Variants in RERE observed in about 807,000 individuals in gnomAD.
RERE encodes the protein arginine-glutamic acid dipeptide repeats.
In RERE, 40 loss-of-function variants were observed where a neutral mutation model predicts 146.1. The observed-to-expected ratio is 0.27, with a 90% CI of 0.21 to 0.36. The LOEUF (loss-of-function observed/expected upper bound fraction) is 0.36, where lower values mean the gene tolerates loss of function less well. Among genes scored for constraint, RERE ranks in the 10% least tolerant of loss-of-function variants. The probability of loss-of-function intolerance (pLI) is 1.00; values close to 1 mark genes in which losing one functional copy is unlikely to be tolerated. For synonymous variants in RERE, 1,003 were observed against 866.0 expected (o/e 1.16, Z -2.78); for missense variants, 1,933 against 2,138.7 (o/e 0.90, Z 1.90).
chr1:8,658,980 A>G (rs1292077575), intron 1 of RERE, among the ~76,000 whole-genome samples: 3 of 152,254 alleles, frequency 2.0e-5, no homozygotes, highest in Non-Finnish European at 4.4e-5. Flanking sequence ...ATCATAAGCT[A>G]CATTAGAAGA....
At position 8,690,420 on chromosome 1, in the gene RERE, A is replaced by G. The variant is rs1246240086; in HGVS notation, c.-144-33979T>C. Among the ~76,000 whole-genome samples, 4 of 152,362 alleles carry G rather than the reference A, an allele frequency of 2.6e-5. No homozygotes were observed. In the East Asian group the frequency reaches 7.7e-4, roughly 29 times the overall value. On this transcript the variant is annotated intron_variant, in intron 1 of 22. Coordinates refer to ENST00000400908, the MANE Select transcript of RERE (RefSeq NM_001042681.2). ...GGGAACGGAAAGCTAAGGCTTGAACATAGGAATTTTGAGGCAATACAATTC... is the reference window on the plus strand; with the variant it reads ...GGGAACGGAAAGCTAAGGCTTGAACGTAGGAATTTTGAGGCAATACAATTC...
chr1:8,687,807 G>A (rs940427117), intron 1 of RERE, among the ~76,000 whole-genome samples: 1 of 152,120 alleles, frequency 6.6e-6, no homozygotes, highest in African/African-American at 2.4e-5. Context: ...AACAAAAGCA[G>A]GGTTTTAATG....
intron 11 of RERE, among the ~76,000 whole-genome samples, chr1:8,440,358 C>A (rs924235036): frequency 4.6e-5 from 7 of 151,944 alleles, no homozygotes; most frequent in Non-Finnish European, 7.4e-5. Flanking sequence ...TTTGGGAGGC[C>A]GAGGCAGGCG....
chr1:8,415,965 T>C (rs1643747083), intron 12 of RERE, among the ~76,000 whole-genome samples: 1 of 152,236 alleles, frequency 6.6e-6, no homozygotes, highest in African/African-American at 2.4e-5. Context: ...GGCACATAAA[T>C]GTCTTTCCTC....
rs564068796 is a variant in RERE at position 8,807,847 on chromosome 1, T to C, written c.-145+9313A>G. Among the ~76,000 whole-genome samples the C allele has an allele frequency of 3.3e-5, 5 of 152,322 alleles. No individual in the cohort carries two copies. In the South Asian group the frequency reaches 1.0e-3, roughly 32 times the overall value. ...AAATTTAGGAGGATGAGAGAGCCCT[T>C]GACTAGTCCTGGAGCTTAAGTAATA... On this transcript the variant is annotated intron_variant, in intron 1 of 22. Transcript: ENST00000400908.
intron 21 of RERE, 112 bp downstream of exon 21, chr1:8,355,988 C>A (rs1641275027): frequency 8.2e-7 from 1 of 1,213,548 alleles, no homozygotes. Context: ...GGGGAGCGAA[C>A]CCACCTGCTC....
chr1:8,646,555 A>C (rs374725693), intron 2 of RERE, among the ~76,000 whole-genome samples: 8 of 150,962 alleles, frequency 5.3e-5, no homozygotes, highest in Admixed American at 4.6e-4. Flanking sequence ...AAACAAACAA[A>C]CAAAAAAAAA....
At chr1:8,694,907 TAAAC>T (rs1206953439) in intron 1 of RERE, among the ~76,000 whole-genome samples, 2 of 121,296 alleles carry the variant, frequency 1.6e-5, no homozygotes, top group African/African-American at 6.3e-5. Context: ...TTCACAGAAT[TAAAC>T]AAAGTAATTC....
intron 6 of RERE, 136 bp from the exon 7 acceptor site, chr1:8,541,454 T>C (rs1395385942): frequency 1.7e-6 from 1 of 578,868 alleles, no homozygotes; most frequent in Non-Finnish European, 3.1e-6. Context: ...CACACTTTAT[T>C]TCACCTATTC....
chr1:8,469,651 T>TA lies in RERE; in HGVS notation c.1105-3629dup, dbSNP rs562005619. ...AAAATAATAATAGTAATAAGAAAAATAAAATCTTATGTGCCTGCTACCAGG... is the reference window on the plus strand; with the variant it reads ...AAAATAATAATAGTAATAAGAAAAATAAAAATCTTATGTGCCTGCTACCAGG... On this transcript the variant is annotated intron_variant, in intron 10 of 22. Coordinates refer to ENST00000400908, the MANE Select transcript of RERE (RefSeq NM_001042681.2). 6.8e-4 allele frequency among the ~76,000 whole-genome samples: 104 copies of TA among 151,946 alleles called. 1 individual carries two copies. Among genetic ancestry groups the TA allele is most frequent in the African/African-American group, 2.5e-3 (102 of 41,428 alleles).
intron 1 of RERE, among the ~76,000 whole-genome samples, chr1:8,756,879 G>A (rs1373038046): frequency 2.0e-5 from 3 of 152,054 alleles, no homozygotes; most frequent in Non-Finnish European, 2.9e-5. Context: ...ATCACCTGAC[G>A]TCAGGAGTTT....
intron 8 of RERE, among the ~76,000 whole-genome samples, chr1:8,502,056 T>G (rs61783624): frequency 5.3e-5 from 3 of 56,896 alleles, no homozygotes; most frequent in Admixed American, 3.8e-4. Flanking sequence ...GCCCCCCGCC[T>G]GGCCAGCCGC....
intron 12 of RERE, among the ~76,000 whole-genome samples, chr1:8,369,075 G>A (rs1422642261): frequency 6.6e-6 from 1 of 152,066 alleles, no homozygotes; most frequent in African/African-American, 2.4e-5. Context: ...GTGTGTGCCT[G>A]TAATAATACC....
intron 4 of RERE, among the ~76,000 whole-genome samples, chr1:8,580,856 T>C (rs1323984543): frequency 1.3e-5 from 2 of 152,030 alleles, no homozygotes; most frequent in Non-Finnish European, 2.9e-5. Context: ...GCTCAGCTAA[T>C]TTTTTTATTT....
At chr1:8,385,287 C>T (rs1344593318) in intron 12 of RERE, among the ~76,000 whole-genome samples, 1 of 152,168 alleles carries the variant, frequency 6.6e-6, no homozygotes, top group African/African-American at 2.4e-5. Flanking sequence ...TGATTATTAA[C>T]TTCTACTGAC....
chr1:8,359,047 C>T, intron 19 of RERE, 131 bp from the exon 20 acceptor site: 1 of 1,188,194 alleles, frequency 8.4e-7, no homozygotes, highest in Non-Finnish European at 1.1e-6. Context: ...TCCACGGAGA[C>T]CCGGCCCTGC....
chr1:8,726,147 CTTTTTTTTTT>C (rs70985511), intron 1 of RERE, among the ~76,000 whole-genome samples: 1 of 69,406 alleles, frequency 1.4e-5, no homozygotes, highest in Non-Finnish European at 2.5e-5. Context: ...TTTTTCTTTT[CTTTTTTTTTT>C]TTTTTTTTTT....
intron 4 of RERE, among the ~76,000 whole-genome samples, chr1:8,610,403 A>G (rs1370754287): frequency 3.9e-5 from 6 of 152,014 alleles, no homozygotes; most frequent in Non-Finnish European, 8.8e-5. Flanking sequence ...AGCCTGGCCA[A>G]CATAGTGAAA....
At chr1:8,458,155 G>C (rs939259615) in intron 11 of RERE, among the ~76,000 whole-genome samples, 9 of 152,060 alleles carry the variant, frequency 5.9e-5, no homozygotes, top group Admixed American at 2.6e-4. Flanking sequence ...ACAAGAAAAG[G>C]GTTTTCCATC....
Sources: gnomAD v4.1 joint callset for allele counts (sites outside exome capture counted in the v4.1 genomes callset) on GRCh38, gnomAD v4.1.1 for gene constraint, MANE v1.5 for transcripts, NCBI Gene and HGNC (gene_info 2026-07-23, HGNC 2026-07-21) for gene names.